Variants in RBM20 observed in about 807,000 individuals in gnomAD.
RBM20 encodes RNA-binding protein 20.
In RBM20, 51 loss-of-function variants were observed where a neutral mutation model predicts 110.1. That is an observed-to-expected ratio of 0.46 (90% CI 0.37 to 0.59). The LOEUF is 0.59. Among genes scored for constraint, RBM20 ranks in the 20% least tolerant of loss-of-function variants. RBM20 has a pLI of 0.00. For missense variants in RBM20, 1,512 were observed against 1,574.9 expected (o/e 0.96, Z 0.68); for synonymous variants, 589 against 618.2 (o/e 0.95, Z 0.70).
chr10:110,755,847 C>T (rs1449148957), intron 1 of RBM20, among the ~76,000 whole-genome samples: 1 of 152,154 alleles, frequency 6.6e-6, no homozygotes, highest in African/African-American at 2.4e-5. Flanking sequence ...AAAAAAATGA[C>T]CACCAAGGGA....
At position 110,644,547 on chromosome 10, in the gene RBM20, G is replaced by A. The variant is rs1175199461; in HGVS notation, c.93G>A (p.Ala31=). The A allele has an allele frequency of 2.0e-6, 3 of 1,526,200 alleles. No homozygotes were observed. Among genetic ancestry groups the A allele is most frequent in the East Asian group, 2.6e-5 (1 of 39,030 alleles). The allele number at this position is 1,526,200 out of a possible 1,614,324, so 94.5% of individuals were successfully genotyped here. A position where few individuals can be genotyped will look rare whatever the true frequency, so the allele number is the denominator to read the frequency against. Residue 31 remains alanine, a synonymous_variant, in exon 1 of 14, where the codon GCG becomes GCA. Coordinates refer to ENST00000369519, the MANE Select transcript of RBM20 (RefSeq NM_001134363.3). The surrounding 1 kb of genome is among the most constrained non-coding windows in gnomAD (Gnocchi z 4.3). ...RVACSVPGAR[A]SPAPSGPRGM... Reference sequence around the variant, plus strand: ...CCTGCAGTGTGCCTGGTGCCCGGGCGTCCCCGGCACCCTCCGGCCCGCGAG... The same window carrying A: ...CCTGCAGTGTGCCTGGTGCCCGGGCATCCCCGGCACCCTCCGGCCCGCGAG...
intron 1 of RBM20, among the ~76,000 whole-genome samples, chr10:110,740,774 A>C (rs11814831): frequency 0.016 from 2,473 of 152,294 alleles, 70 homozygotes; most frequent in African/African-American, 0.057. Flanking sequence ...GTGTGAAAAC[A>C]TACAAAGACA....
chr10:110,802,463 C>A (rs10885049), intron 7 of RBM20, among the ~76,000 whole-genome samples: 1 of 150,804 alleles, frequency 6.6e-6, no homozygotes, highest in Non-Finnish European at 1.5e-5. Flanking sequence ...CTATATCCAA[C>A]CAAAGTTCCT....
chr10:110,662,158 T>C (rs1326880211), intron 1 of RBM20, among the ~76,000 whole-genome samples: 1 of 152,084 alleles, frequency 6.6e-6, no homozygotes, highest in Non-Finnish European at 1.5e-5. Context: ...AAATTCCAAA[T>C]AGATCTGTGC....
chr10:110,750,362 C>T (rs1375455563), intron 1 of RBM20, among the ~76,000 whole-genome samples: 1 of 152,116 alleles, frequency 6.6e-6, no homozygotes, highest in African/African-American at 2.4e-5. Flanking sequence ...TGAGGACCTT[C>T]CTCTCAGGGG....
intron 1 of RBM20, among the ~76,000 whole-genome samples, chr10:110,659,562 G>C (rs1234359965): frequency 2.0e-5 from 3 of 152,122 alleles, no homozygotes; most frequent in Non-Finnish European, 2.9e-5. Flanking sequence ...TGAGAGATTT[G>C]ATCCAAATAG....
At chr10:110,821,184 C>G in intron 10 of RBM20, 91 bp from the exon 11 acceptor site, 2 of 1,068,168 alleles carry the variant, frequency 1.9e-6, no homozygotes, top group Non-Finnish European at 2.7e-6. Flanking sequence ...CAGATTCTTC[C>G]TGATTTGAGT....
At chr10:110,761,800 A>G (rs977426077) in intron 1 of RBM20, among the ~76,000 whole-genome samples, 2 of 152,224 alleles carry the variant, frequency 1.3e-5, no homozygotes, top group Non-Finnish European at 2.9e-5. Context: ...CTGGTACCGG[A>G]AGAGACCCAT....
In RBM20 at chr10:110,837,984, C is replaced by T. The variant is rs1346686188; in HGVS notation, c.*2006C>T. On this transcript the variant is annotated 3_prime_UTR_variant, in exon 14 of 14. Transcript: ENST00000369519. ...AAAGGGAGTCACTCATGTTGAAGTTCTGTCTTCCAGGAAATCAGGAGAGAG... is the reference window on the plus strand; with the variant it reads ...AAAGGGAGTCACTCATGTTGAAGTTTTGTCTTCCAGGAAATCAGGAGAGAG... The T allele has an allele frequency of 6.6e-6, 1 of 152,188 alleles. No homozygotes were observed. Among genetic ancestry groups the T allele is most frequent in the Non-Finnish European group, 1.5e-5 (1 of 68,060 alleles). 9.4% of individuals were successfully genotyped at this position (152,188 alleles called of 1,614,324 possible). A position where few individuals can be genotyped will look rare whatever the true frequency, so the allele number is the denominator to read the frequency against.
intron 5 of RBM20, among the ~76,000 whole-genome samples, chr10:110,790,761 C>A (rs1844473605): frequency 6.6e-6 from 1 of 151,956 alleles, no homozygotes; most frequent in Non-Finnish European, 1.5e-5. Flanking sequence ...TATTGTGTAA[C>A]TTCATTTTTG....
At chr10:110,798,384 G>A (rs1208685684) in intron 6 of RBM20, among the ~76,000 whole-genome samples, 5 of 152,146 alleles carry the variant, frequency 3.3e-5, no homozygotes, top group Non-Finnish European at 7.4e-5. Flanking sequence ...GCCACATCAG[G>A]TCATTAAGCT....
In RBM20 at chr10:110,657,160, G is replaced by C. The variant is rs183240657; in HGVS notation, c.191+12515G>C. ...GCCTCCCAAGTAGCTGGGACTACAG[G>C]CCCATGCCACCACGCCTGGCTAATT... On this transcript the variant is annotated intron_variant, in intron 1 of 13. Coordinates refer to ENST00000369519, the MANE Select transcript of RBM20 (RefSeq NM_001134363.3). Among the ~76,000 whole-genome samples the C allele has an allele frequency of 2.2e-3, 331 of 152,116 alleles. 2 individuals are homozygous for C. The highest frequency in any genetic ancestry group is 7.8e-3 in the African/African-American group (322 of 41,496).
intron 2 of RBM20, 72 bp downstream of exon 2, chr10:110,781,956 C>A: frequency 6.5e-7 from 1 of 1,531,472 alleles, no homozygotes; most frequent in Non-Finnish European, 8.8e-7. Context: ...ACCCAACTCA[C>A]GCTGCCAATG....
At chr10:110,668,363 T>TAATACTGA (rs1862210324) in intron 1 of RBM20, among the ~76,000 whole-genome samples, 1 of 152,174 alleles carries the variant, frequency 6.6e-6, no homozygotes, top group Non-Finnish European at 1.5e-5. Flanking sequence ...CAGCCAGTCA[T>TAATACTGA]AATACTGAAA....
chr10:110,756,269 A>T (rs1843919565), intron 1 of RBM20, among the ~76,000 whole-genome samples: 1 of 152,246 alleles, frequency 6.6e-6, no homozygotes, highest in Non-Finnish European at 1.5e-5. Flanking sequence ...TATAATCAAC[A>T]TGAGGAAAAG....
At chr10:110,787,444 A>G (rs746345538) in intron 5 of RBM20, among the ~76,000 whole-genome samples, 2 of 152,214 alleles carry the variant, frequency 1.3e-5, no homozygotes, top group Non-Finnish European at 2.9e-5. Context: ...GGCTGTGAAG[A>G]GTCGGGGGGA....
intron 1 of RBM20, among the ~76,000 whole-genome samples, chr10:110,677,437 G>A (rs551601887): frequency 6.6e-6 from 1 of 152,088 alleles, no homozygotes; most frequent in East Asian, 1.9e-4. Context: ...TCCTGCCGCA[G>A]CCTCCCGAGT....
At chr10:110,654,672 C>G (rs1339745803) in intron 1 of RBM20, among the ~76,000 whole-genome samples, 1 of 152,122 alleles carries the variant, frequency 6.6e-6, no homozygotes, top group African/African-American at 2.4e-5. Flanking sequence ...AGTTACACAG[C>G]TATTTTTGCC....
rs117892478 is a variant in RBM20 at position 110,709,683 on chromosome 10, C to A, written c.191+65038C>A. Among the ~76,000 whole-genome samples the A allele has an allele frequency of 9.4e-3, 1,419 of 151,710 alleles. 63 individuals are homozygous for A. The highest frequency in any genetic ancestry group is 0.074 in the Admixed American group (1,132 of 15,246). On this transcript the variant is annotated intron_variant, in intron 1 of 13. Coordinates refer to ENST00000369519, the MANE Select transcript of RBM20 (RefSeq NM_001134363.3). ...CTGAGCTCAGGTGATCCTCCCTTCT[C>A]AGCCTTCTGAGTAGCTGAGACTACA... is the stretch of plus-strand genomic sequence containing the variant.
Sources: gnomAD v4.1 joint callset for allele counts (sites outside exome capture counted in the v4.1 genomes callset) on GRCh38, gnomAD v4.1.1 for gene constraint, Gnocchi (gnomAD v3.1) non-coding constraint, MANE v1.5 for transcripts, NCBI Gene and HGNC (gene_info 2026-07-23, HGNC 2026-07-21) for gene names.